Variants in FSTL4 observed in about 807,000 individuals in gnomAD.
FSTL4 encodes follistatin like 4, also known as follistatin-related protein 4.
A neutral mutation model predicts 78.2 loss-of-function variants in FSTL4; 28 were observed. The observed-to-expected ratio is 0.36, with a 90% confidence interval of 0.27 to 0.49. The LOEUF (loss-of-function observed/expected upper bound fraction) is 0.49. FSTL4 is among the 20% of genes least tolerant of loss of function. FSTL4 has a pLI of 0.98. For missense variants in FSTL4, 922 were observed against 1,084.9 expected, an observed-to-expected ratio of 0.85 and a Z score of 2.11; for synonymous variants, 422 against 440.5, an observed-to-expected ratio of 0.96 and a Z score of 0.53.
intron 14 of FSTL4, among the ~76,000 whole-genome samples, chr5:133,203,760 A>G (rs973955364): frequency 2.6e-5 from 4 of 152,186 alleles, no homozygotes; most frequent in South Asian, 2.1e-4. Context: ...ATTTTAGCTC[A>G]TAGTAGAGAT....
At chr5:133,792,295 A>C in the FSTL4 span, among the ~76,000 whole-genome samples, 176 of 152,318 alleles carry the variant, frequency 1.2e-3, no homozygotes, top group African/African-American at 4.1e-3. Flanking sequence ...TCAGGAACAG[A>C]ACAATGATAC....
chr5:133,226,982 C>T (rs958942807), intron 8 of FSTL4, among the ~76,000 whole-genome samples: 1 of 152,160 alleles, frequency 6.6e-6, no homozygotes, highest in Non-Finnish European at 1.5e-5. Context: ...CTCTGTAGCT[C>T]CTGTCACAGC....
At chr5:133,452,669 C>G (rs935566075) in intron 3 of FSTL4, among the ~76,000 whole-genome samples, 4 of 152,232 alleles carry the variant, frequency 2.6e-5, no homozygotes, top group Admixed American at 1.3e-4. Flanking sequence ...GTTAAGCAAT[C>G]AGTCCAAGAT....
intron 4 of FSTL4, among the ~76,000 whole-genome samples, chr5:133,335,910 C>T (rs538013772): frequency 6.6e-6 from 1 of 152,252 alleles, no homozygotes; most frequent in Admixed American, 6.5e-5. Context: ...TAATGGATCC[C>T]AAGCTATGTG....
At chr5:133,581,092 C>T (rs1760393625) in intron 2 of FSTL4, among the ~76,000 whole-genome samples, 1 of 152,146 alleles carries the variant, frequency 6.6e-6, no homozygotes, top group Admixed American at 6.5e-5. Context: ...TTAGAAGGCA[C>T]TTTCATTGTA....
At chr5:133,800,511 C>T in the FSTL4 span, among the ~76,000 whole-genome samples, 1 of 139,044 alleles carries the variant, frequency 7.2e-6, no homozygotes, top group East Asian at 2.0e-4. Flanking sequence ...GCATTCAAAG[C>T]CATCCTGGGC....
chr5:133,729,073 T>C, the FSTL4 span, among the ~76,000 whole-genome samples: 1 of 152,148 alleles, frequency 6.6e-6, no homozygotes, highest in Non-Finnish European at 1.5e-5. Context: ...TTCAGCCACA[T>C]GCTGAAGCTG....
chr5:133,747,821 G>T, the FSTL4 span, among the ~76,000 whole-genome samples: 1 of 152,146 alleles, frequency 6.6e-6, no homozygotes, highest in South Asian at 2.1e-4. Context: ...GCTGGTGTTG[G>T]ACTGGCTCTG....
intron 3 of FSTL4, among the ~76,000 whole-genome samples, chr5:133,435,825 G>C (rs1301956978): frequency 6.6e-6 from 1 of 152,134 alleles, no homozygotes; most frequent in Non-Finnish European, 1.5e-5. Flanking sequence ...CCATAAAATG[G>C]CATCCCTTTT....
chr5:133,789,903 A>G, the FSTL4 span, among the ~76,000 whole-genome samples: 1 of 152,164 alleles, frequency 6.6e-6, no homozygotes, highest in South Asian at 2.1e-4. Flanking sequence ...CCATCTCCAC[A>G]TACAGCCATA....
At chr5:133,493,341 T>C (rs1300347701) in intron 3 of FSTL4, among the ~76,000 whole-genome samples, 2 of 152,224 alleles carry the variant, frequency 1.3e-5, no homozygotes, top group Admixed American at 1.3e-4. Context: ...TGCATGTATT[T>C]CTCTAGGAGC....
the FSTL4 span, among the ~76,000 whole-genome samples, chr5:133,658,230 T>C: frequency 6.6e-6 from 1 of 152,194 alleles, no homozygotes. Flanking sequence ...TGACCTAAAA[T>C]ATTCTTTCAC....
At chr5:133,209,072 T>C (rs572161727) in intron 14 of FSTL4, among the ~76,000 whole-genome samples, 6 of 152,354 alleles carry the variant, frequency 3.9e-5, no homozygotes, top group Non-Finnish European at 7.3e-5. Flanking sequence ...TATTTTTTGT[T>C]GGTATTTCTG....
At chr5:133,750,082 A>G in the FSTL4 span, among the ~76,000 whole-genome samples, 3 of 152,126 alleles carry the variant, frequency 2.0e-5, no homozygotes, top group Non-Finnish European at 4.4e-5. Context: ...GGGAGGGGTG[A>G]GCTGGGGATG....
the FSTL4 span, among the ~76,000 whole-genome samples, chr5:133,632,984 G>A: frequency 2.6e-5 from 4 of 152,130 alleles, no homozygotes; most frequent in African/African-American, 9.7e-5. Flanking sequence ...CACTGTGCCT[G>A]CCCAGCCTCC....
the FSTL4 span, among the ~76,000 whole-genome samples, chr5:133,637,586 G>C: frequency 6.6e-6 from 1 of 151,924 alleles, no homozygotes; most frequent in Non-Finnish European, 1.5e-5. Context: ...TGCACTCCTG[G>C]TTTTCTTTCT....
At chr5:133,706,693 C>G in the FSTL4 span, among the ~76,000 whole-genome samples, 3,542 of 152,294 alleles carry the variant, frequency 0.023, 124 homozygotes, top group African/African-American at 0.078. Flanking sequence ...CAAGCATGTA[C>G]TTCTGACCAG....
intron 4 of FSTL4, among the ~76,000 whole-genome samples, chr5:133,394,519 G>A (rs992125700): frequency 4.6e-5 from 7 of 152,354 alleles, no homozygotes; most frequent in Admixed American, 3.9e-4. Flanking sequence ...CGGAGGGTGC[G>A]CCAGGTCCCC....
chr5:133,808,668 C>T, the FSTL4 span, among the ~76,000 whole-genome samples: 1 of 152,098 alleles, frequency 6.6e-6, no homozygotes, highest in Non-Finnish European at 1.5e-5. Flanking sequence ...CTGAGCCTTC[C>T]GAAATATTTT....
Sources: allele counts gnomAD v4.1 joint callset (sites outside exome capture counted in the v4.1 genomes callset), GRCh38; gene constraint gnomAD v4.1.1; transcripts MANE v1.5; gene names NCBI Gene and HGNC (gene_info 2026-07-23, HGNC 2026-07-21).